DCAF6: variants seen among roughly 807,000 people sequenced by gnomAD.
DCAF6 encodes DDB1 and CUL4 associated factor 6.
DCAF6 carries 54 observed loss-of-function variants against 125.1 expected under a neutral mutation model. The ratio of observed to expected loss-of-function variants is 0.43; its 90% CI spans 0.35 to 0.54. DCAF6 has a LOEUF of 0.54. DCAF6 is among the 20% of genes least tolerant of loss of function. The pLI is 0.01. For synonymous variants in DCAF6, 371 were observed against 390.4 expected, an observed-to-expected ratio of 0.95 and a Z score of 0.58; for missense variants, 934 against 1,161.7, an observed-to-expected ratio of 0.80 and a Z score of 2.85.
At chr1:168,050,523 T>G (rs1305568987) in intron 16 of DCAF6, among the ~76,000 whole-genome samples, 1 of 152,188 alleles carries the variant, frequency 6.6e-6, no homozygotes, top group African/African-American at 2.4e-5. Flanking sequence ...CTTAATTATT[T>G]ATTTTCCAAA....
intron 4 of DCAF6, among the ~76,000 whole-genome samples, chr1:167,979,199 A>G (rs1185211002): frequency 2.0e-5 from 3 of 151,952 alleles, no homozygotes. Context: ...AACATAATTT[A>G]TTTTTTAGAA....
At chr1:167,878,660 A>C in the DCAF6 span, 1 of 1,607,688 alleles carries the variant, frequency 6.2e-7, no homozygotes, top group Non-Finnish European at 8.5e-7. Context: ...AGAAAGTCAA[A>C]GATCAGGGAA....
rs966712941 is a variant in DCAF6, at chr1:168,052,186, G to A, written c.2300+1253G>A. Reference sequence around the variant, plus strand: ...GGCTTGAGCCACCGCATCTGGCCTAGTTATCACTTTCTGATTAATTGTATG... The same window carrying A: ...GGCTTGAGCCACCGCATCTGGCCTAATTATCACTTTCTGATTAATTGTATG... On this transcript the variant is annotated intron_variant, in intron 17 of 21. Transcript: ENST00000367840. Among the ~76,000 whole-genome samples, 3 of 152,312 alleles carry A rather than the reference G, an allele frequency of 2.0e-5. No individual in the cohort carries two copies. The East Asian group carries it at 5.8e-4, about 29-fold the overall frequency.
At position 167,974,842 on chromosome 1, in the gene DCAF6, A is replaced by G. The variant is rs762650151; in HGVS notation, c.265A>G (p.Ile89Val). Residue 89 changes from isoleucine (I) to valine (V), a missense_variant, in exon 4 of 22, where the codon ATT becomes GTT. Ile to Val is a conservative substitution (Grantham distance 29). This residue lies in a region of DCAF6 where 309 missense variants were observed against 381.2 expected (regional missense o/e 0.81). Transcript: ENST00000367840. Reference sequence around the variant, plus strand: ...TTGTGTGTTTTAGGTTTTGACAACAATTCGTTCAGGGCACCGAGCAAACAT... The same window carrying G: ...TTGTGTGTTTTAGGTTTTGACAACAGTTCGTTCAGGGCACCGAGCAAACAT... ...NPYSRKVLTT[I>V]RSGHRANIFS... 31 of 1,532,944 alleles carry G rather than the reference A, an allele frequency of 2.0e-5. No individual in the cohort carries two copies. The South Asian group carries it at 3.8e-4, about 19-fold the overall frequency. 95.0% of individuals were successfully genotyped at this position (1,532,944 alleles called of 1,614,324 possible).
intron 2 of DCAF6, 137 bp downstream of exon 2, chr1:167,951,998 A>T: frequency 1.9e-6 from 1 of 537,176 alleles, no homozygotes. Flanking sequence ...TAAAATATAA[A>T]ATTATATTTT....
intron 8 of DCAF6, among the ~76,000 whole-genome samples, chr1:168,003,211 A>G (rs1682882897): frequency 6.6e-6 from 1 of 152,196 alleles, no homozygotes; most frequent in African/African-American, 2.4e-5. Context: ...AAATGTAAGA[A>G]GAACCGATTT....
chr1:168,067,996 G>A lies in DCAF6; in HGVS notation c.2686-362G>A, dbSNP rs569908132. Among the ~76,000 whole-genome samples the A allele has an allele frequency of 4.5e-4, 69 of 152,212 alleles. 1 individual carries two copies. The South Asian group carries it at 5.0e-3, about 11-fold the overall frequency. ...ATGGATAATAATTTAACTGTATTTC[G>A]TCACTAAAGTTATCAGTTCTCCTAT... is the stretch of plus-strand genomic sequence containing the variant. On this transcript the variant is annotated intron_variant, in intron 20 of 21. Transcript: ENST00000367840.
the DCAF6 span, among the ~76,000 whole-genome samples, chr1:167,913,550 T>A: frequency 1.3e-5 from 2 of 152,236 alleles, no homozygotes; most frequent in Non-Finnish European, 2.9e-5. Context: ...CAAATATCCT[T>A]GATTATCTTT....
At chr1:167,932,897 G>T (rs1337550352), upstream of DCAF6, among the ~76,000 whole-genome samples, 5 of 151,994 alleles carry the variant, frequency 3.3e-5, no homozygotes, top group Admixed American at 3.3e-4. Flanking sequence ...ACAAACACTG[G>T]AGTACAGCTA....
At chr1:168,033,251 T>C (rs947390118) in intron 12 of DCAF6, among the ~76,000 whole-genome samples, 1 of 152,086 alleles carries the variant, frequency 6.6e-6, no homozygotes, top group African/African-American at 2.4e-5. Context: ...GAATTTTTTT[T>C]CTGAGCCAAT....
chr1:168,033,304 C>CTTTTTTTTT (rs200401545), intron 12 of DCAF6, among the ~76,000 whole-genome samples: 2 of 119,792 alleles, frequency 1.7e-5, no homozygotes, highest in African/African-American at 3.3e-5. Flanking sequence ...TGAAAAGGAT[C>CTTTTTTTTT]TTTTTTTTTT....
intron 16 of DCAF6, among the ~76,000 whole-genome samples, chr1:168,047,225 G>T (rs1462650280): frequency 6.6e-6 from 1 of 152,006 alleles, no homozygotes; most frequent in African/African-American, 2.4e-5. Flanking sequence ...TGATTTATAT[G>T]TTTTAGGGAT....
intron 10 of DCAF6, among the ~76,000 whole-genome samples, chr1:168,015,429 T>G (rs1684832967): frequency 6.6e-6 from 1 of 152,192 alleles, no homozygotes; most frequent in South Asian, 2.1e-4. Context: ...ATCAGATGAG[T>G]TAACTGATTG....
intron 14 of DCAF6, 60 bp from the exon 15 acceptor site, chr1:168,044,525 G>A (rs1025947579): frequency 2.5e-5 from 32 of 1,271,890 alleles, no homozygotes; most frequent in Admixed American, 1.8e-4. Flanking sequence ...TATTTTCAGC[G>A]ATTTTAGAAC....
chr1:167,952,042 G>C (rs1456495344), intron 2 of DCAF6, among the ~76,000 whole-genome samples, 181 bp downstream of exon 2: 1 of 152,132 alleles, frequency 6.6e-6, no homozygotes, highest in African/African-American at 2.4e-5. Context: ...ATTTTTTAAA[G>C]TGCAGATGAG....
At chr1:168,074,970 T>A (rs545313705) in intron 21 of DCAF6, among the ~76,000 whole-genome samples, 8 of 152,268 alleles carry the variant, frequency 5.3e-5, no homozygotes, top group South Asian at 4.2e-4. Flanking sequence ...GTATTTAATT[T>A]AAAAAAATCT....
chr1:167,877,517 A>G, the DCAF6 span, among the ~76,000 whole-genome samples: 2,169 of 152,154 alleles, frequency 0.014, 47 homozygotes, highest in African/African-American at 0.048. Flanking sequence ...TCTCTGTGCC[A>G]TTCATTTATT....
Position 167,936,843 on chromosome 1 carries a change from G to A in DCAF6, c.-69G>A. 7.4e-7 allele frequency: 1 copy of A among 1,347,926 alleles called. No homozygotes were observed. The highest frequency in any genetic ancestry group is 1.0e-6 in the Non-Finnish European group (1 of 968,044). The allele number at this position is 1,347,926 out of a possible 1,614,324, so 83.5% of individuals were successfully genotyped here. A position where few individuals can be genotyped will look rare whatever the true frequency, so the allele number is the denominator to read the frequency against. ...GCCGGTGCGGCTCGGGTGTTGAAAC[G>A]GGTGTCCCCTCCCCCTCCTCCCCTC... On this transcript the variant is annotated 5_prime_UTR_variant, in exon 1 of 22. Coordinates refer to ENST00000367840, the MANE Select transcript of DCAF6 (RefSeq NM_001198956.2).
rs575878674 is a variant in DCAF6, at chr1:168,060,513, A to T, written c.2301-3108A>T. On this transcript the variant is annotated intron_variant, in intron 17 of 21. Transcript: ENST00000367840. Reference sequence around the variant, plus strand: ...GAGCATACTTTTTAAATGAACATTTATGCTTTGATACAGTTCTCGTTTATT... The same window carrying T: ...GAGCATACTTTTTAAATGAACATTTTTGCTTTGATACAGTTCTCGTTTATT... 3.9e-5 allele frequency among the ~76,000 whole-genome samples: 6 copies of T among 152,296 alleles called. No individual in the cohort carries two copies. In the South Asian group the frequency reaches 1.0e-3, roughly 26 times the overall value.
Sources: allele counts gnomAD v4.1 joint callset (sites outside exome capture counted in the v4.1 genomes callset), GRCh38; gene constraint gnomAD v4.1.1; regional missense constraint gnomAD v4.1.1; transcripts MANE v1.5; gene names NCBI Gene and HGNC (gene_info 2026-07-23, HGNC 2026-07-21).